SKOR2: variants seen among roughly 807,000 people sequenced by gnomAD.
The protein encoded by SKOR2 is LBX1 corepressor 1-like protein.
SKOR2 carries 47 observed loss-of-function variants against 69.1 expected under a neutral mutation model. The ratio of observed to expected loss-of-function variants is 0.68; its 90% CI spans 0.54 to 0.87. The LOEUF (loss-of-function observed/expected upper bound fraction) is 0.87. SKOR2 is among the 40% of genes least tolerant of loss of function. SKOR2 has a pLI of 0.00. For missense variants in SKOR2, 1,404 were observed against 1,472.2 expected (o/e 0.95, Z 0.76); for synonymous variants, 717 against 672.6 (o/e 1.07, Z -1.02).
At chr18:47,234,527 T>C (rs890511362) in intron 4 of SKOR2, 1 of 152,142 alleles carries the variant, frequency 6.6e-6, no homozygotes, top group Non-Finnish European at 1.5e-5. Context: ...AATTTTAGTA[T>C]ATGTGCTGCC....
chr18:47,250,434 T>C lies in SKOR2; in HGVS notation c.-48+940A>G, dbSNP rs543691505. 9.2e-5 allele frequency among the ~76,000 whole-genome samples: 14 copies of C among 152,320 alleles called. 1 individual carries two copies. The East Asian group carries it at 2.5e-3, about 27-fold the overall frequency. ...AGTGGAAAGAAGGAAAGTGGCTCACTCCCTAGGAAAACAAACACTGATCTT... is the reference window on the plus strand; with the variant it reads ...AGTGGAAAGAAGGAAAGTGGCTCACCCCCTAGGAAAACAAACACTGATCTT... On this transcript the variant is annotated intron_variant, in intron 1 of 8. Transcript: ENST00000425639.
intron 4 of SKOR2, among the ~76,000 whole-genome samples, chr18:47,231,442 G>A (rs971242154): frequency 3.3e-5 from 5 of 152,036 alleles, no homozygotes; most frequent in African/African-American, 7.2e-5. Context: ...CAGCCTTCTC[G>A]GGCCATCAAA....
chr18:47,208,145 T>C (rs1054376726), intron 8 of SKOR2, among the ~76,000 whole-genome samples: 4 of 152,132 alleles, frequency 2.6e-5, no homozygotes, highest in African/African-American at 4.8e-5. Context: ...CACAGAGAAA[T>C]GGCATCAGAT....
chr18:47,239,451 AC>A, intron 4 of SKOR2, among the ~76,000 whole-genome samples: 1 of 152,358 alleles, frequency 6.6e-6, no homozygotes, highest in East Asian at 1.9e-4. Flanking sequence ...ATTAACTAAT[AC>A]CAGTGGGATT....
intron 6 of SKOR2, among the ~76,000 whole-genome samples, chr18:47,228,257 G>A (rs1473024444): frequency 6.6e-6 from 1 of 152,122 alleles, no homozygotes; most frequent in East Asian, 1.9e-4. Context: ...CCACTTCCTT[G>A]GTCAGTGGAG....
chr18:47,218,030 C>A lies in SKOR2; in HGVS notation c.2985+1913G>T, dbSNP rs2064149529. ...ATACCAGTTTTAATCTTCCATGTACCAAATATCTCAAAAGACATGAGATAT... is the reference window on the plus strand; with the variant it reads ...ATACCAGTTTTAATCTTCCATGTACAAAATATCTCAAAAGACATGAGATAT... On this transcript the variant is annotated intron_variant, in intron 7 of 8. Coordinates refer to ENST00000425639, the MANE Select transcript of SKOR2 (RefSeq NM_001278063.4). Among the ~76,000 whole-genome samples the A allele has an allele frequency of 2.6e-5, 4 of 151,930 alleles. No homozygotes were observed. In the South Asian group the frequency reaches 6.2e-4, roughly 24 times the overall value.
intron 4 of SKOR2, chr18:47,234,306 C>T (rs181374012): frequency 6.6e-6 from 1 of 152,048 alleles, no homozygotes; most frequent in East Asian, 1.9e-4. Flanking sequence ...ATTTAGTTGA[C>T]AGTGAGCTCC....
At chr18:47,238,822 C>T (rs2064236717) in intron 4 of SKOR2, among the ~76,000 whole-genome samples, 1 of 152,214 alleles carries the variant, frequency 6.6e-6, no homozygotes, top group South Asian at 2.1e-4. Context: ...CCATCTCCTG[C>T]ATGCAAAGCT....
Position 47,230,506 on chromosome 18 carries a change from T to C in SKOR2, c.2870A>G (p.Glu957Gly). The C allele has an allele frequency of 6.9e-7, 1 of 1,451,328 alleles. No individual in the cohort carries two copies. Among genetic ancestry groups the C allele is most frequent in the Admixed American group, 2.7e-5 (1 of 36,814 alleles). 89.9% of individuals were successfully genotyped at this position (1,451,328 alleles called of 1,614,324 possible). ...FEQIDLRRRL[E>G]QEFQVLKGNT... ...TCCTTTTAACACCTGGAATTCTTGT[T>C]CCAGTCGTCTCCGTAAATCTATTTG... Residue 957 changes from glutamate (E) to glycine (G), a missense_variant, in exon 6 of 9, where the codon GAA becomes GGA. Around this residue, in one of 3 missense-constraint regions of SKOR2, gnomAD observed 1,266 missense variants for 1,309.9 expected, o/e 0.97. Transcript: ENST00000425639.
intron 4 of SKOR2, 111 bp from the exon 5 acceptor site, chr18:47,231,111 A>C (rs1357969251): frequency 6.5e-7 from 1 of 1,535,818 alleles, no homozygotes; most frequent in Non-Finnish European, 8.7e-7. Context: ...TATAACCTGA[A>C]ATTGGAAGTC....
intron 8 of SKOR2, among the ~76,000 whole-genome samples, chr18:47,211,457 C>T (rs940909240): frequency 1.3e-5 from 2 of 152,102 alleles, no homozygotes; most frequent in South Asian, 2.1e-4. Flanking sequence ...TCAAATACTT[C>T]GGTATGTTCT....
At position 47,245,478 on chromosome 18, in the gene SKOR2, A is replaced by AATTTTTTTTT; in HGVS notation, c.2677+19_2677+20insAAAAAAAAAT. ...ATGCAGGCAAGAAAAGTGGCAGCTG[A>AATTTTTTTTT]TTTTTTTTTTTTTTTTTACCTGAAA... On this transcript the variant is annotated intron_variant, in intron 3 of 8. Coordinates refer to ENST00000425639, the MANE Select transcript of SKOR2 (RefSeq NM_001278063.4). The AATTTTTTTTT allele has an allele frequency of 8.4e-7, 1 of 1,194,644 alleles. No homozygotes were observed. The highest frequency in any genetic ancestry group is 1.1e-6 in the Non-Finnish European group (1 of 933,368). The allele number at this position is 1,194,644 out of a possible 1,614,324, so 74.0% of individuals were successfully genotyped here. A position where few individuals can be genotyped will look rare whatever the true frequency, so the allele number is the denominator to read the frequency against.
intron 4 of SKOR2, among the ~76,000 whole-genome samples, chr18:47,232,726 G>A (rs925478259): frequency 6.6e-6 from 1 of 152,184 alleles, no homozygotes; most frequent in Middle Eastern, 3.2e-3. Context: ...TCAATAAAGG[G>A]TCTGCAGTTG....
At chr18:47,228,058 T>C (rs1347385332) in intron 6 of SKOR2, among the ~76,000 whole-genome samples, 2 of 152,212 alleles carry the variant, frequency 1.3e-5, no homozygotes, top group South Asian at 2.1e-4. Flanking sequence ...TTCTTTCCGA[T>C]GAGGCTTTGC....
chr18:47,237,766 T>C (rs1464105214), intron 4 of SKOR2, among the ~76,000 whole-genome samples: 1 of 150,898 alleles, frequency 6.6e-6, no homozygotes, highest in Non-Finnish European at 1.5e-5. Flanking sequence ...GGTGTGAACA[T>C]GGCTTACTGC....
chr18:47,246,583 G>A lies in SKOR2; in HGVS notation c.2601C>T (p.Pro867=). ...PVHHPSLEEQ[P]SYKDSQKTKE... Reference sequence around the variant, plus strand: ...AGGGGATATTTACATCTTTGTAGGAGGGCTGCTCCTCCAGTGATGGATGGT... The same window carrying A: ...AGGGGATATTTACATCTTTGTAGGAAGGCTGCTCCTCCAGTGATGGATGGT... The change falls in exon 2 of 9, where the codon CCC becomes CCT. Residue 867 remains proline, a synonymous_variant. Coordinates refer to ENST00000425639, the MANE Select transcript of SKOR2 (RefSeq NM_001278063.4). The A allele has an allele frequency of 6.6e-7, 1 of 1,518,482 alleles. No homozygotes were observed. Among genetic ancestry groups the A allele is most frequent in the Non-Finnish European group, 8.8e-7 (1 of 1,139,766 alleles). The allele number at this position is 1,518,482 out of a possible 1,614,324, so 94.1% of individuals were successfully genotyped here. A position where few individuals can be genotyped will look rare whatever the true frequency, so the allele number is the denominator to read the frequency against.
At chr18:47,209,826 G>A (rs2064122590) in intron 8 of SKOR2, among the ~76,000 whole-genome samples, 1 of 152,132 alleles carries the variant, frequency 6.6e-6, no homozygotes, top group South Asian at 2.1e-4. Flanking sequence ...CTAAGGCTGG[G>A]CATGGCTGTA....
At chr18:47,246,343 G>A (rs1469587250) in intron 2 of SKOR2, among the ~76,000 whole-genome samples, 1 of 152,152 alleles carries the variant, frequency 6.6e-6, no homozygotes, top group Admixed American at 6.5e-5. Flanking sequence ...ATATAAGAGG[G>A]AAAGGCGGCC....
intron 6 of SKOR2, among the ~76,000 whole-genome samples, chr18:47,223,917 T>A (rs780907026): frequency 3.6e-4 from 47 of 128,924 alleles, no homozygotes; most frequent in Admixed American, 1.8e-3. Flanking sequence ...TTTTTTTTTT[T>A]AAATTTGAGG....
Sources: allele counts gnomAD v4.1 joint callset (sites outside exome capture counted in the v4.1 genomes callset), GRCh38; gene constraint gnomAD v4.1.1; regional missense constraint gnomAD v4.1.1; transcripts MANE v1.5; gene names NCBI Gene and HGNC (gene_info 2026-07-23, HGNC 2026-07-21).